Variants in MIA3 observed in about 807,000 individuals in gnomAD.
MIA3 encodes the protein MIA SH3 domain ER export factor 3.
Under a neutral mutation model 192.4 loss-of-function variants are expected in MIA3, and 90 were observed. That is an observed-to-expected ratio of 0.47 (90% CI 0.39 to 0.56). MIA3 has a LOEUF of 0.56. Among genes scored for constraint, MIA3 ranks in the 20% least tolerant of loss-of-function variants. The pLI is 0.00. For missense variants in MIA3, 2,123 were observed against 2,269.4 expected, an observed-to-expected ratio of 0.94 and a Z score of 1.31; for synonymous variants, 740 against 792.8, an observed-to-expected ratio of 0.93 and a Z score of 1.12.
intron 24 of MIA3, chr1:222,661,048 T>C (rs2124928754): frequency 6.6e-6 from 1 of 152,498 alleles, no homozygotes; most frequent in South Asian, 2.1e-4. Flanking sequence ...GAGTATCCGC[T>C]TAAAACACCG....
intron 26 of MIA3, 58 bp downstream of exon 26, chr1:222,662,390 A>G: frequency 2.5e-6 from 4 of 1,587,610 alleles, no homozygotes; most frequent in South Asian, 1.1e-5. Context: ...TCTTCCTACA[A>G]CTCTCTCTTT....
chr1:222,632,119 T>C, intron 4 of MIA3, 46 bp from the exon 5 acceptor site: 2 of 1,581,752 alleles, frequency 1.3e-6, no homozygotes, highest in Non-Finnish European at 1.7e-6. Context: ...GCCTAACAGG[T>C]AGTGTCATCA....
chr1:222,666,464 C>G lies in MIA3; in HGVS notation c.*845C>G, dbSNP rs954322948. On this transcript the variant is annotated 3_prime_UTR_variant, in exon 28 of 28. Coordinates refer to ENST00000344922, the MANE Select transcript of MIA3 (RefSeq NM_198551.4). ...ACCATTCCTGTAGAAAAAGGGTGCACAACAGAAAAATGAAAATGATGTGTC... is the reference window on the plus strand; with the variant it reads ...ACCATTCCTGTAGAAAAAGGGTGCAGAACAGAAAAATGAAAATGATGTGTC... 2.0e-5 allele frequency: 3 copies of G among 151,802 alleles called. No individual in the cohort carries two copies. The highest frequency in any genetic ancestry group is 7.3e-5 in the African/African-American group (3 of 41,282). The allele number at this position is 151,802 out of a possible 1,614,324, so 9.4% of individuals were successfully genotyped here.
intron 4 of MIA3, among the ~76,000 whole-genome samples, chr1:222,631,188 C>T (rs1662385133): frequency 6.6e-6 from 1 of 151,134 alleles, no homozygotes; most frequent in Non-Finnish European, 1.5e-5. Context: ...GTGGCATGAT[C>T]ATAACTCATT....
At chr1:222,656,981 T>C (rs1571905028) in intron 18 of MIA3, among the ~76,000 whole-genome samples, 1 of 152,332 alleles carries the variant, frequency 6.6e-6, no homozygotes, top group South Asian at 2.1e-4. Flanking sequence ...GTAATCCTAT[T>C]ATGTGGATCC....
chr1:222,660,231 G>C lies in MIA3; in HGVS notation c.5030G>C (p.Cys1677Ser), dbSNP rs571417465. 26 of 1,613,608 alleles carry C rather than the reference G, an allele frequency of 1.6e-5. No individual in the cohort carries two copies. In the Middle Eastern group the frequency reaches 8.2e-4, roughly 51 times the overall value. ...CCATCCCCTGTGAGTGGTGGAGAAT[G>C]CTCCCCTCCATTGACAGTGGAGCCA... ...FGPSPVSGGECSPPLTVEPPV... is the reference protein window; with the variant it reads ...FGPSPVSGGESSPPLTVEPPV... Residue 1677 changes from cysteine to serine, a missense_variant, in exon 24 of 28, where the codon TGC becomes TCC. Cys to Ser is a moderately radical substitution (Grantham distance 112, BLOSUM62 -1). Around this residue, in one of 3 missense-constraint regions of MIA3, gnomAD observed 762 missense variants for 856.4 expected, o/e 0.89. Transcript: ENST00000344922.
intron 19 of MIA3, 82 bp from the exon 20 acceptor site, chr1:222,659,371 T>G: frequency 1.6e-6 from 2 of 1,243,484 alleles, no homozygotes; most frequent in Non-Finnish European, 2.3e-6. Context: ...GTACAGTTGT[T>G]AGGGTAACGG....
chr1:222,626,252 G>A (rs1427899966), intron 3 of MIA3, among the ~76,000 whole-genome samples: 1 of 152,160 alleles, frequency 6.6e-6, no homozygotes. Context: ...GCTCTCAGGG[G>A]TTATATAGTC....
chr1:222,665,533 C>G lies in MIA3; in HGVS notation c.5638C>G (p.Leu1880Val). Reference protein sequence around the residue: ...YPPPPAVRDLLPSGSRDEPPP... With the variant: ...YPPPPAVRDLVPSGSRDEPPP... Reference sequence around the variant, plus strand: ...ACCACCACCTGCTGTAAGAGACTTACTGCCGTCAGGCTCTAGAGATGAGCC... The same window carrying G: ...ACCACCACCTGCTGTAAGAGACTTAGTGCCGTCAGGCTCTAGAGATGAGCC... The change falls in exon 28 of 28, where the codon CTG (leucine) becomes GTG (valine). Residue 1880 changes from leucine (L) to valine (V), a missense_variant. By Grantham distance (32) the Leu-to-Val change is conservative. Around this residue, in one of 3 missense-constraint regions of MIA3, gnomAD observed 762 missense variants for 856.4 expected, o/e 0.89. Transcript: ENST00000344922. The G allele has an allele frequency of 6.2e-7, 1 of 1,614,170 alleles. No homozygotes were observed. The highest frequency in any genetic ancestry group is 8.5e-7 in the Non-Finnish European group (1 of 1,180,006).
Position 222,618,104 on chromosome 1 carries a change from C to A in MIA3, c.-7C>A, listed in dbSNP as rs1004633236. 1 of 1,466,312 alleles carries A rather than the reference C, an allele frequency of 6.8e-7. No individual in the cohort carries two copies. The highest frequency in any genetic ancestry group is 9.0e-7 in the Non-Finnish European group (1 of 1,110,066). 90.8% of individuals were successfully genotyped at this position (1,466,312 alleles called of 1,614,324 possible). ...CCGCGTCACCGGCTCCCCGAGGTGA[C>A]CACAACATGGCTGCGGCGCCTGGGC... On this transcript the variant is annotated 5_prime_UTR_variant, in exon 1 of 28. Coordinates refer to ENST00000344922, the MANE Select transcript of MIA3 (RefSeq NM_198551.4).
In MIA3 at chr1:222,664,124, C is replaced by T. The variant is rs367885612; in HGVS notation, c.5389C>T (p.Pro1797Ser). 6.2e-7 allele frequency: 1 copy of T among 1,614,026 alleles called. No individual in the cohort carries two copies. The highest frequency in any genetic ancestry group is 1.3e-5 in the African/African-American group (1 of 74,926). The change falls in exon 27 of 28, where the codon CCT (proline) becomes TCT (serine). Residue 1797 changes from proline (P) to serine (S), a missense_variant. This residue lies in a region of MIA3 where 762 missense variants were observed against 856.4 expected (regional missense o/e 0.89). Transcript: ENST00000344922. ...PPPQLCGPFG[P>S]RPLPPPFGPG... ...ACCTCAGCTCTGCGGACCTTTTGGG[C>T]CTCGGCCACTTCCTCCACCCTTTGG...
In MIA3 at chr1:222,655,962, C is replaced by CTTTTTTTTTTTTTTTT. The variant is rs1283360501; in HGVS notation, c.4607+1169_4607+1170insTTTTTTTTTTTTTTTT. Among the ~76,000 whole-genome samples, 2 of 71,278 alleles carry CTTTTTTTTTTTTTTTT rather than the reference C, an allele frequency of 2.8e-5. 1 individual carries two copies. The highest frequency in any genetic ancestry group is 1.1e-4 in the African/African-American group (2 of 17,860). 46.8% of individuals were successfully genotyped at this position (71,278 alleles called of 152,430 possible). A position where few individuals can be genotyped will look rare whatever the true frequency, so the allele number is the denominator to read the frequency against. On this transcript the variant is annotated intron_variant, in intron 18 of 27. Transcript: ENST00000344922. Reference sequence around the variant, plus strand: ...ATCACGTATCTCCAGACTTTCTTTCCCTTTTTTTTTTTTTTTTTTTTTTTT... The same window carrying CTTTTTTTTTTTTTTTT: ...ATCACGTATCTCCAGACTTTCTTTCCTTTTTTTTTTTTTTTTCTTTTTTTTTTTTTTTTTTTTTTTT...
At chr1:222,656,848 C>T (rs2124920077) in intron 18 of MIA3, among the ~76,000 whole-genome samples, 1 of 152,312 alleles carries the variant, frequency 6.6e-6, no homozygotes, top group Admixed American at 6.5e-5. Flanking sequence ...CTGCTAAAAT[C>T]ATTGAGTTCT....
chr1:222,625,643 T>C (rs543355285), intron 3 of MIA3, among the ~76,000 whole-genome samples: 1 of 152,214 alleles, frequency 6.6e-6, no homozygotes, highest in Non-Finnish European at 1.5e-5. Flanking sequence ...CTCATATCTG[T>C]AAGGCGCTAA....
At chr1:222,641,960 G>T (rs947125455) in intron 6 of MIA3, 7 of 359,398 alleles carry the variant, frequency 1.9e-5, no homozygotes, top group African/African-American at 1.5e-4. Flanking sequence ...ATGCTACTCA[G>T]CAATTAAAAA....
At chr1:222,620,148 T>C (rs1234145085) in intron 1 of MIA3, among the ~76,000 whole-genome samples, 3 of 152,244 alleles carry the variant, frequency 2.0e-5, no homozygotes, top group Non-Finnish European at 4.4e-5. Flanking sequence ...TCTATATGCG[T>C]GTATAGCCAT....
At position 222,666,899 on chromosome 1, in the gene MIA3, GTAA is replaced by G. The variant is rs1384040766; in HGVS notation, c.*1286_*1288del. ...ACGAACTTCAGACATTTTAATTACA[GTAA>G]TAATAGCACTCCTTTTAAGGAGTTT... On this transcript the variant is annotated 3_prime_UTR_variant, in exon 28 of 28. Coordinates refer to ENST00000344922, the MANE Select transcript of MIA3 (RefSeq NM_198551.4). 1 of 152,090 alleles carries G rather than the reference GTAA, an allele frequency of 6.6e-6. No individual in the cohort carries two copies. Among genetic ancestry groups the G allele is most frequent in the Non-Finnish European group, 1.5e-5 (1 of 68,012 alleles). 9.4% of individuals were successfully genotyped at this position (152,090 alleles called of 1,614,324 possible).
intron 3 of MIA3, among the ~76,000 whole-genome samples, chr1:222,625,551 T>A (rs548669309): frequency 1.3e-5 from 2 of 152,208 alleles, no homozygotes; most frequent in Non-Finnish European, 2.9e-5. Flanking sequence ...AAGGTTTTCT[T>A]ATTATTGACT....
chr1:222,622,227 C>G (rs4846770), intron 2 of MIA3, among the ~76,000 whole-genome samples: 84,242 of 152,012 alleles, frequency 0.55, 26,720 homozygotes, highest in Non-Finnish European at 0.71. Flanking sequence ...TGCTATCAGA[C>G]CTGGCAATCA....
Sources: gnomAD v4.1 joint callset for allele counts (sites outside exome capture counted in the v4.1 genomes callset) on GRCh38, gnomAD v4.1.1 for gene constraint, gnomAD v4.1.1 regional missense constraint, MANE v1.5 for transcripts, NCBI Gene and HGNC (gene_info 2026-07-23, HGNC 2026-07-21) for gene names.